PPHLN1: variants seen among roughly 807,000 people sequenced by gnomAD.
The protein encoded by PPHLN1 is periphilin 1.
A neutral mutation model predicts 51.3 loss-of-function variants in PPHLN1; 29 were observed. That is an observed-to-expected ratio of 0.57 (90% CI 0.42 to 0.77). PPHLN1 has a LOEUF of 0.77. Among genes scored for constraint, PPHLN1 ranks in the 30% least tolerant of loss-of-function variants. PPHLN1 has a pLI of 0.00. For missense variants in PPHLN1, 436 were observed against 438.4 expected (o/e 0.99, Z 0.05); for synonymous variants, 147 against 147.8 (o/e 0.99, Z 0.04).
At chr12:42,336,704 C>T (rs762069601) in intron 2 of PPHLN1, among the ~76,000 whole-genome samples, 4 of 152,108 alleles carry the variant, frequency 2.6e-5, no homozygotes, top group Non-Finnish European at 5.9e-5. Context: ...GTACTGACTC[C>T]CCAGAATTCC....
chr12:42,389,561 A>G (rs2077505747), intron 7 of PPHLN1, among the ~76,000 whole-genome samples: 1 of 152,176 alleles, frequency 6.6e-6, no homozygotes, highest in African/African-American at 2.4e-5. Context: ...CTCTGTCTCA[A>G]AAAAACAAAA....
At chr12:42,447,236 A>AT (rs2083362129), downstream of PPHLN1, 1 of 152,210 alleles carries the variant, frequency 6.6e-6, no homozygotes, top group South Asian at 2.1e-4. Context: ...TATTTTTTAA[A>AT]TTTTTTTATA....
chr12:42,412,137 G>A (rs2600917), intron 9 of PPHLN1, among the ~76,000 whole-genome samples: 45,213 of 151,388 alleles, frequency 0.3, 7,547 homozygotes, highest in Non-Finnish European at 0.38. Context: ...CCCAGGAGGC[G>A]GAGGTTGCAG....
chr12:42,418,583 A>G (rs1012914703), intron 9 of PPHLN1, among the ~76,000 whole-genome samples: 2 of 151,934 alleles, frequency 1.3e-5, no homozygotes, highest in African/African-American at 4.8e-5. Flanking sequence ...CCTCCTCTCT[A>G]CTGGGCATGC....
intron 2 of PPHLN1, among the ~76,000 whole-genome samples, chr12:42,341,100 C>T (rs928991378): frequency 1.3e-5 from 2 of 151,626 alleles, no homozygotes; most frequent in Non-Finnish European, 2.9e-5. Flanking sequence ...TGTGCCTCAG[C>T]CTCCCTGAAT....
chr12:42,341,527 C>T (rs2071496088), intron 2 of PPHLN1, among the ~76,000 whole-genome samples: 1 of 152,146 alleles, frequency 6.6e-6, no homozygotes, highest in African/African-American at 2.4e-5. Flanking sequence ...TTAAATTATA[C>T]TTAATTTGAG....
chr12:42,354,121 A>G (rs2138269916), intron 3 of PPHLN1, among the ~76,000 whole-genome samples: 1 of 152,372 alleles, frequency 6.6e-6, no homozygotes, highest in South Asian at 2.1e-4. Context: ...ATATAAGAAT[A>G]GAGTGTGTGA....
chr12:42,386,447 G>C (rs1483781234), intron 6 of PPHLN1, among the ~76,000 whole-genome samples: 1 of 152,176 alleles, frequency 6.6e-6, no homozygotes, highest in Non-Finnish European at 1.5e-5. Flanking sequence ...TATCTATCTT[G>C]GCTGTGGCAG....
rs571884321 is a variant in PPHLN1 at position 42,379,644 on chromosome 12, A to C, written c.511+4570A>C. ...GAAGCCTAAGCTATTTTCACATATA[A>C]TACCATTAAACAAAATGCCTCTTAG... On this transcript the variant is annotated intron_variant, in intron 5 of 9. Coordinates refer to ENST00000358314, the MANE Select transcript of PPHLN1 (RefSeq NM_201439.2). 1.1e-4 allele frequency among the ~76,000 whole-genome samples: 16 copies of C among 152,156 alleles called. No homozygotes were observed. The South Asian group carries it at 3.3e-3, about 32-fold the overall frequency.
In PPHLN1 at chr12:42,442,109, T is replaced by G; in HGVS notation, c.*600T>G. On this transcript the variant is annotated 3_prime_UTR_variant, in exon 10 of 10. Transcript: ENST00000358314. Reference sequence around the variant, plus strand: ...CTGAAACTCCTGACTCTCTCACTGATGTATGAGTCTTAAATAATATCATAT... The same window carrying G: ...CTGAAACTCCTGACTCTCTCACTGAGGTATGAGTCTTAAATAATATCATAT... The G allele has an allele frequency of 3.2e-6, 1 of 312,034 alleles. No individual in the cohort carries two copies. The allele number at this position is 312,034 out of a possible 1,614,324, so 19.3% of individuals were successfully genotyped here.
At chr12:42,395,679 G>T (rs2078138217) in intron 8 of PPHLN1, among the ~76,000 whole-genome samples, 1 of 152,046 alleles carries the variant, frequency 6.6e-6, no homozygotes. Context: ...CAAGAGTTTG[G>T]CAAAGTACTG....
At chr12:42,446,150 G>A (rs768522454), downstream of PPHLN1, 1 of 1,597,788 alleles carries the variant, frequency 6.3e-7, no homozygotes, top group East Asian at 2.3e-5. Flanking sequence ...TCGGACGACA[G>A]GAGCCCCAGA....
chr12:42,332,079 C>T (rs1053212875), intron 1 of PPHLN1, among the ~76,000 whole-genome samples: 2 of 152,062 alleles, frequency 1.3e-5, no homozygotes, highest in African/African-American at 4.8e-5. Flanking sequence ...GGTGGTATGC[C>T]TGTGGTTCCA....
At chr12:42,365,914 G>A (rs2075224008) in intron 4 of PPHLN1, among the ~76,000 whole-genome samples, 1 of 152,212 alleles carries the variant, frequency 6.6e-6, no homozygotes, top group East Asian at 1.9e-4. Flanking sequence ...TGTATTGAAT[G>A]CATTGTATCA....
intron 2 of PPHLN1, among the ~76,000 whole-genome samples, chr12:42,340,985 T>TTC (rs1391881320): frequency 1.0e-4 from 15 of 145,334 alleles, no homozygotes; most frequent in Middle Eastern, 3.2e-3. Flanking sequence ...CTTTCTTTCT[T>TTC]TTTTTTTTTT....
chr12:42,411,960 A>G (rs1343964781), intron 9 of PPHLN1, among the ~76,000 whole-genome samples: 4 of 148,900 alleles, frequency 2.7e-5, no homozygotes, highest in East Asian at 2.0e-4. Context: ...TAATCCCAGC[A>G]CTTTGGGAGG....
At chr12:42,427,068 C>T (rs2081569356) in intron 9 of PPHLN1, among the ~76,000 whole-genome samples, 1 of 152,076 alleles carries the variant, frequency 6.6e-6, no homozygotes, top group South Asian at 2.1e-4. Flanking sequence ...TGGCTGTTGC[C>T]AGTTAATTAC....
chr12:42,374,607 ATTTT>A (rs35683626), intron 4 of PPHLN1: 35 of 159,714 alleles, frequency 2.2e-4, no homozygotes, highest in South Asian at 4.6e-4. Context: ...CGCCCAGCTA[ATTTT>A]TTTTTTTTTT....
chr12:42,419,281 G>C (rs797011964), intron 9 of PPHLN1, among the ~76,000 whole-genome samples: 10 of 152,040 alleles, frequency 6.6e-5, no homozygotes, highest in African/African-American at 2.4e-4. Flanking sequence ...TCACTCTGTT[G>C]CCCAGGCTGG....
Sources: gnomAD v4.1 joint callset for allele counts (sites outside exome capture counted in the v4.1 genomes callset) on GRCh38, gnomAD v4.1.1 for gene constraint, MANE v1.5 for transcripts, NCBI Gene and HGNC (gene_info 2026-07-23, HGNC 2026-07-21) for gene names.